TRIM7: variants seen among roughly 807,000 people sequenced by gnomAD.
The protein encoded by TRIM7 is tripartite motif containing 7.
TRIM7 carries 32 observed loss-of-function variants against 37.9 expected under a neutral mutation model. That is an observed-to-expected ratio of 0.84 (90% CI 0.64 to 1.13). TRIM7 has a LOEUF of 1.13. Among genes scored for constraint, TRIM7 ranks in the 50% most tolerant of loss-of-function variants. TRIM7 has a pLI of 0.00. For missense variants in TRIM7, 732 were observed against 714.0 expected (o/e 1.03, Z -0.29); for synonymous variants, 351 against 321.3 (o/e 1.09, Z -0.99).
chr5:181,199,460 A>T (rs1295877958), intron 3 of TRIM7: 1 of 492,204 alleles, frequency 2.0e-6, no homozygotes, highest in Non-Finnish European at 3.6e-6. Flanking sequence ...GCCCTTATGC[A>T]CCTACTGCTC....
In TRIM7 at chr5:181,198,906, A is replaced by C. The variant is rs950929937; in HGVS notation, c.873-101T>G. ...GGTCCTCTTGGCAGAAAGAGGTAGA[A>C]AAGGGAGAGCCAGACCTCATGCAGA... On this transcript the variant is annotated intron_variant, in intron 4 of 6. Transcript: ENST00000274773. The C allele has an allele frequency of 3.3e-6, 4 of 1,195,320 alleles. No individual in the cohort carries two copies. In the Admixed American group the frequency reaches 8.1e-5, roughly 24 times the overall value. The allele number at this position is 1,195,320 out of a possible 1,614,324, so 74.0% of individuals were successfully genotyped here. A position where few individuals can be genotyped will look rare whatever the true frequency, so the allele number is the denominator to read the frequency against.
intron 1 of TRIM7, 87 bp from the exon 2 acceptor site, chr5:181,203,727 A>G: frequency 6.5e-7 from 1 of 1,527,488 alleles, no homozygotes; most frequent in Non-Finnish European, 8.7e-7. Context: ...GCCAGGAGAA[A>G]GGGAAGGCCC....
Position 181,195,404 on chromosome 5 carries a change from C to T in TRIM7, c.1298G>A (p.Trp433Ter), listed in dbSNP as rs1757036913. 6.3e-7 allele frequency: 1 copy of T among 1,591,738 alleles called. No homozygotes were observed. Among genetic ancestry groups the T allele is most frequent in the African/African-American group, 1.3e-5 (1 of 74,356 alleles). The change falls in exon 7 of 7, where the codon TGG (tryptophan) becomes TAG (stop). Residue 433 changes from tryptophan (W) to a stop codon, truncating the protein, a stop_gained. Coordinates refer to ENST00000274773, the MANE Select transcript of TRIM7 (RefSeq NM_203293.3). LOFTEE classifies it low-confidence loss of function (END_TRUNC). Reference sequence around the variant, plus strand: ...CTGGCCGCCGTTGAGCTGCAGGGCCCAGACGCCCTCCTCGGGAGTGAAGGG... The same window carrying T: ...CTGGCCGCCGTTGAGCTGCAGGGCCTAGACGCCCTCCTCGGGAGTGAAGGG... ...LTPFTPEEGVWALQLNGGQYW... is the reference protein window; with the variant it reads ...LTPFTPEEGV
chr5:181,200,402 A>G, intron 2 of TRIM7: 1 of 1,363,394 alleles, frequency 7.3e-7, no homozygotes, highest in Non-Finnish European at 9.4e-7. Context: ...CTTGAAAAGC[A>G]GAAGGGATAA....
At chr5:181,198,514 C>T (rs1233190718) in intron 5 of TRIM7, among the ~76,000 whole-genome samples, 176 bp downstream of exon 5, 2 of 152,170 alleles carry the variant, frequency 1.3e-5, no homozygotes, top group Admixed American at 1.3e-4. Context: ...AGCGGCATGC[C>T]CTGCGGGGGC....
intron 2 of TRIM7, among the ~76,000 whole-genome samples, chr5:181,201,437 T>C (rs1427494087): frequency 6.6e-6 from 1 of 152,108 alleles, no homozygotes; most frequent in Non-Finnish European, 1.5e-5. Flanking sequence ...GTGTCATAAA[T>C]CCAGAAGTAT....
intron 2 of TRIM7, 81 bp downstream of exon 2, chr5:181,203,464 A>G (rs775804201): frequency 2.5e-6 from 4 of 1,594,660 alleles, no homozygotes; most frequent in South Asian, 2.3e-5. Flanking sequence ...ACACACTCCA[A>G]CACCACACAC....
intron 5 of TRIM7, 22 bp downstream of exon 5, chr5:181,198,668 A>G: frequency 1.9e-6 from 3 of 1,569,272 alleles, no homozygotes; most frequent in Non-Finnish European, 2.6e-6. Flanking sequence ...TATGTGGCCC[A>G]GCTTGGCGCC....
intron 2 of TRIM7, chr5:181,200,979 C>T (rs538925960): frequency 4.3e-6 from 4 of 938,452 alleles, no homozygotes; most frequent in South Asian, 9.9e-5. Flanking sequence ...CTGACGGCAG[C>T]CCAGTGGGGA....
intron 6 of TRIM7, chr5:181,196,523 T>C (rs947926151): frequency 2.0e-5 from 3 of 152,198 alleles, no homozygotes; most frequent in Non-Finnish European, 2.9e-5. Flanking sequence ...TTGGGCAACA[T>C]GGCGGAAAAC....
intron 6 of TRIM7, chr5:181,196,069 G>A: frequency 5.3e-6 from 1 of 189,148 alleles, no homozygotes; most frequent in Non-Finnish European, 1.1e-5. Context: ...GCAATGATAT[G>A]TTGTCTCTGA....
intron 1 of TRIM7, 184 bp from the exon 2 acceptor site, chr5:181,203,824 G>T (rs762080275): frequency 1.2e-4 from 165 of 1,359,242 alleles, no homozygotes; most frequent in Middle Eastern, 2.7e-4. Context: ...TCGGGATCTT[G>T]CTTCCCCAAA....
At chr5:181,203,062 C>T (rs1757605692) in intron 2 of TRIM7, 1 of 182,278 alleles carries the variant, frequency 5.5e-6, no homozygotes, top group African/African-American at 2.4e-5. Context: ...CTCTGACGCC[C>T]TCTAGCCCCT....
At chr5:181,202,417 G>T (rs1757546159) in intron 2 of TRIM7, 1 of 152,084 alleles carries the variant, frequency 6.6e-6, no homozygotes, top group Admixed American at 6.6e-5. Flanking sequence ...AACCTCAGGT[G>T]ATCCGCCCAC....
At position 181,203,605 on chromosome 5, in the gene TRIM7, C is replaced by CA; in HGVS notation, c.557_558insT (p.Lys186AsnfsTer7). ...GGAACACCTCACAGTCCTCCAGTTCCTTCTTCAAGACCCTCAGCCTGGACT... is the reference window on the plus strand; with the variant it reads ...GGAACACCTCACAGTCCTCCAGTTCCATTCTTCAAGACCCTCAGCCTGGACT... On this transcript the variant is annotated frameshift_variant, in exon 2 of 7. Transcript: ENST00000274773. LOFTEE classifies it high-confidence loss of function. The CA allele has an allele frequency of 6.2e-7, 1 of 1,613,970 alleles. No individual in the cohort carries two copies. The highest frequency in any genetic ancestry group is 8.5e-7 in the Non-Finnish European group (1 of 1,179,972).
At chr5:181,200,607 G>A (rs1757423014) in intron 2 of TRIM7, 1 of 1,004,868 alleles carries the variant, frequency 1.0e-6, no homozygotes, top group Non-Finnish European at 1.2e-6. Context: ...AAAGAAGGAA[G>A]AAAAGTCCGA....
Position 181,204,653 on chromosome 5 carries a change from T to G in TRIM7, c.458A>C (p.Asp153Ala), listed in dbSNP as rs577806516. Residue 153 changes from aspartate (D) to alanine (A), a missense_variant, in exon 1 of 7, where the codon GAC becomes GCC. Coordinates refer to ENST00000274773, the MANE Select transcript of TRIM7 (RefSeq NM_203293.3). ...GTGCTCGCGGTGCTCGCGGGCGCGG[T>G]CGCACACCACGCAGATGGCGCGTCC... ...DDGRAICVVC[D>A]RAREHREHAV... 1 of 1,504,984 alleles carries G rather than the reference T, an allele frequency of 6.6e-7. No homozygotes were observed. Among genetic ancestry groups the G allele is most frequent in the African/African-American group, 1.5e-5 (1 of 67,912 alleles). 93.2% of individuals were successfully genotyped at this position (1,504,984 alleles called of 1,614,324 possible). A position where few individuals can be genotyped will look rare whatever the true frequency, so the allele number is the denominator to read the frequency against.
At chr5:181,204,163 C>T in intron 1 of TRIM7, 1 of 1,005,978 alleles carries the variant, frequency 9.9e-7, no homozygotes, top group Non-Finnish European at 1.2e-6. Flanking sequence ...TCACTCAGTT[C>T]CACGAGGTGG....
intron 5 of TRIM7, among the ~76,000 whole-genome samples, 172 bp downstream of exon 5, chr5:181,198,518 C>G (rs959551543): frequency 6.6e-6 from 1 of 152,172 alleles, no homozygotes; most frequent in African/African-American, 2.4e-5. Flanking sequence ...GCATGCCCTG[C>G]GGGGGCCTGA....
Sources: allele counts gnomAD v4.1 joint callset (sites outside exome capture counted in the v4.1 genomes callset), GRCh38; gene constraint gnomAD v4.1.1; transcripts MANE v1.5; gene names NCBI Gene and HGNC (gene_info 2026-07-23, HGNC 2026-07-21).